The following ZNF362 variants were observed in gnomAD, a reference collection of about 807,000 sequenced individuals.
ZNF362 encodes the protein zinc finger protein 362, also known as rotund homolog.
A neutral mutation model predicts 42.9 loss-of-function variants in ZNF362; 11 were observed. That is an observed-to-expected ratio of 0.26 (90% CI 0.16 to 0.42). ZNF362 has a LOEUF of 0.42. ZNF362 is among the 20% of genes least tolerant of loss of function. ZNF362 has a pLI of 1.00. For synonymous variants in ZNF362, 255 were observed against 257.3 expected (o/e 0.99, Z 0.09); for missense variants, 362 against 576.2 (o/e 0.63, Z 3.81).
chr1:33,272,083 G>A (rs1385532027), intron 2 of ZNF362, among the ~76,000 whole-genome samples: 1 of 152,198 alleles, frequency 6.6e-6, no homozygotes, highest in African/African-American at 2.4e-5. Flanking sequence ...TGAATTGGTG[G>A]GGAAGAGAGG....
the ZNF362 span, among the ~76,000 whole-genome samples, chr1:33,250,855 A>AGAG: frequency 3.6e-4 from 40 of 109,738 alleles, no homozygotes; most frequent in South Asian, 8.3e-4. Flanking sequence ...GAAAGAAGGA[A>AGAG]GAAGAAGAAG....
At position 33,270,625 on chromosome 1, in the gene ZNF362, T is replaced by A; in HGVS notation, c.38+13T>A. ...AAGGACACTCTAGGTAAGGAGCCTG[T>A]GATTCCAGGTTGCACTCTGTCAATG... On this transcript the variant is annotated intron_variant, in intron 2 of 8. Transcript: ENST00000539719. 4 of 1,612,686 alleles carry A rather than the reference T, an allele frequency of 2.5e-6. No individual in the cohort carries two copies. The highest frequency in any genetic ancestry group is 3.4e-6 in the Non-Finnish European group (4 of 1,179,486).
At chr1:33,291,146 A>G (rs1010761688) in intron 6 of ZNF362, among the ~76,000 whole-genome samples, 21 of 152,326 alleles carry the variant, frequency 1.4e-4, no homozygotes, top group African/African-American at 4.8e-4. Flanking sequence ...GCCCATGCCT[A>G]TGTCCTGAAT....
At chr1:33,195,811 T>G in the ZNF362 span, 51 of 152,148 alleles carry the variant, frequency 3.4e-4, no homozygotes, top group Non-Finnish European at 1.5e-5. Context: ...TTCTGTAGAC[T>G]TCATAAACAC....
chr1:33,134,716 C>A, the ZNF362 span, among the ~76,000 whole-genome samples: 1 of 152,238 alleles, frequency 6.6e-6, no homozygotes, highest in Non-Finnish European at 1.5e-5. Context: ...ACATGCGGGT[C>A]TCTGGGTTCT....
the ZNF362 span, among the ~76,000 whole-genome samples, chr1:33,175,186 G>A: frequency 6.6e-6 from 1 of 150,930 alleles, no homozygotes; most frequent in East Asian, 1.9e-4. Context: ...TTATAGGTGT[G>A]TGCCACGAAT....
chr1:33,275,747 C>A (rs1645939646), intron 2 of ZNF362, among the ~76,000 whole-genome samples: 1 of 152,214 alleles, frequency 6.6e-6, no homozygotes, highest in South Asian at 2.1e-4. Flanking sequence ...CTGTATGGAA[C>A]CTACGGGGTT....
intron 1 of ZNF362, among the ~76,000 whole-genome samples, chr1:33,268,805 G>A (rs187296309): frequency 6.6e-6 from 1 of 152,350 alleles, no homozygotes; most frequent in East Asian, 1.9e-4. Flanking sequence ...TAAGGCTTAA[G>A]CAATCCAGAA....
At chr1:33,133,392 C>T in the ZNF362 span, among the ~76,000 whole-genome samples, 3 of 152,212 alleles carry the variant, frequency 2.0e-5, no homozygotes, top group African/African-American at 7.2e-5. Context: ...GGGTGTTTTG[C>T]ACAATAAGAC....
the ZNF362 span, among the ~76,000 whole-genome samples, chr1:33,231,074 T>C: frequency 6.6e-6 from 1 of 152,226 alleles, no homozygotes; most frequent in African/African-American, 2.4e-5. Context: ...CTAACGCTTA[T>C]TGAACTTACT....
the ZNF362 span, chr1:33,147,401 C>T: frequency 1.9e-6 from 3 of 1,614,152 alleles, no homozygotes; most frequent in Non-Finnish European, 2.5e-6. The surrounding 1 kb of genome is among the most constrained non-coding windows in gnomAD (Gnocchi z 8.1). Flanking sequence ...GTCCAGGGCT[C>T]CGTGCAGGCG....
chr1:33,244,280 G>C, the ZNF362 span, among the ~76,000 whole-genome samples: 1 of 151,916 alleles, frequency 6.6e-6, no homozygotes, highest in Non-Finnish European at 1.5e-5. This position sits in a 1 kb window ranked among gnomAD's most constrained non-coding sequence, Gnocchi z 4.0. Flanking sequence ...TTAGTCTTCT[G>C]TCTGGGCCTA....
At chr1:33,188,468 T>C in the ZNF362 span, among the ~76,000 whole-genome samples, 1 of 152,100 alleles carries the variant, frequency 6.6e-6, no homozygotes, top group African/African-American at 2.4e-5. Context: ...TCTGAGAGAG[T>C]GCTGCTGATC....
chr1:33,233,497 A>G, the ZNF362 span, among the ~76,000 whole-genome samples: 1 of 150,836 alleles, frequency 6.6e-6, no homozygotes, highest in Non-Finnish European at 1.5e-5. Flanking sequence ...TCCGCCTCCC[A>G]GGCTCAAGCA....
the ZNF362 span, chr1:33,176,478 A>G: frequency 4.3e-6 from 3 of 692,458 alleles, no homozygotes; most frequent in African/African-American, 3.5e-5. Flanking sequence ...AAGGGCTCCA[A>G]TGGTCACATG....
chr1:33,171,853 C>T, the ZNF362 span, among the ~76,000 whole-genome samples: 1 of 152,166 alleles, frequency 6.6e-6, no homozygotes, highest in South Asian at 2.1e-4. Context: ...GCGATCTTGG[C>T]TCACTACAAC....
chr1:33,258,155 A>G (rs1309964188), intron 1 of ZNF362, among the ~76,000 whole-genome samples: 1 of 152,146 alleles, frequency 6.6e-6, no homozygotes, highest in East Asian at 1.9e-4. Flanking sequence ...CTCCTGCCCT[A>G]CGCCCGGGAG....
chr1:33,284,023 T>C (rs1018342103), intron 6 of ZNF362, among the ~76,000 whole-genome samples: 3 of 152,252 alleles, frequency 2.0e-5, no homozygotes, highest in Non-Finnish European at 4.4e-5. Context: ...TATGTGTGTA[T>C]GTATGTGAAA....
intron 6 of ZNF362, chr1:33,282,057 C>T: frequency 1.8e-6 from 1 of 546,942 alleles, no homozygotes; most frequent in Non-Finnish European, 3.3e-6. Flanking sequence ...CCCGCTTTTC[C>T]CTGTTTCTCT....
Sources: gnomAD v4.1 joint callset for allele counts (sites outside exome capture counted in the v4.1 genomes callset) on GRCh38, gnomAD v4.1.1 for gene constraint, Gnocchi (gnomAD v3.1) non-coding constraint, MANE v1.5 for transcripts, NCBI Gene and HGNC (gene_info 2026-07-23, HGNC 2026-07-21) for gene names.